The following IL34 variants were observed in gnomAD, a reference collection of about 807,000 sequenced individuals.
The protein encoded by IL34 is interleukin 34.
Under a neutral mutation model 25.3 loss-of-function variants are expected in IL34, and 17 were observed. The ratio of observed to expected loss-of-function variants is 0.67; its 90% CI spans 0.46 to 1.01. The LOEUF is 1.01. Ranked by LOEUF, IL34 falls within the 50% of genes least tolerant of loss-of-function variation. The pLI is 0.00. For missense variants in IL34, 368 were observed against 312.9 expected (o/e 1.18, Z -1.33); for synonymous variants, 174 against 140.9 (o/e 1.23, Z -1.66).
At chr16:70,641,813 C>A (rs1476521087), upstream of IL34, among the ~76,000 whole-genome samples, 1 of 151,916 alleles carries the variant, frequency 6.6e-6, no homozygotes, top group Non-Finnish European at 1.5e-5. Context: ...GCAATCCACC[C>A]CCCCGCAACC....
intron 1 of IL34, among the ~76,000 whole-genome samples, chr16:70,614,534 TGTG>T (rs2051145603): frequency 6.6e-6 from 1 of 152,232 alleles, no homozygotes; most frequent in Admixed American, 6.5e-5. Context: ...GAGGTTTAGC[TGTG>T]GTGCAGCTGC....
At chr16:70,633,243 G>A (rs1161234480) in intron 1 of IL34, among the ~76,000 whole-genome samples, 1 of 151,518 alleles carries the variant, frequency 6.6e-6, no homozygotes, top group Non-Finnish European at 1.5e-5. Flanking sequence ...GGGATTACAA[G>A]TGCCCAGACT....
At chr16:70,624,754 G>A (rs866955482) in intron 1 of IL34, among the ~76,000 whole-genome samples, 18 of 152,026 alleles carry the variant, frequency 1.2e-4, no homozygotes, top group Middle Eastern at 3.2e-3. Context: ...CAGGGTGTGA[G>A]GAGGGGAGGT....
At chr16:70,619,702 C>T (rs1035722781) in intron 1 of IL34, among the ~76,000 whole-genome samples, 2 of 152,144 alleles carry the variant, frequency 1.3e-5, no homozygotes, top group East Asian at 1.9e-4. Context: ...ACAGGGCTTT[C>T]GAGGCGATCG....
At chr16:70,649,661 C>T (rs893474068) in intron 1 of IL34, among the ~76,000 whole-genome samples, 7 of 152,080 alleles carry the variant, frequency 4.6e-5, no homozygotes, top group African/African-American at 9.7e-5. Flanking sequence ...ATTTGGTCCC[C>T]GGGGCTGGGG....
chr16:70,654,642 C>A lies in IL34; in HGVS notation c.133C>A (p.Leu45Met), dbSNP rs1309732887. 8.7e-6 allele frequency: 14 copies of A among 1,612,752 alleles called. No homozygotes were observed. Among genetic ancestry groups the A allele is most frequent in the Non-Finnish European group, 1.2e-5 (14 of 1,179,118 alleles). ...TGTCACGGGTTTTCTGCGGGACAAG[C>A]TGCAGTACAGGAGCCGACTTCAGTA... ...CTVTGFLRDK[L>M]QYRSRLQYMK... is the part of the protein sequence containing the mutation. Residue 45 changes from leucine (L) to methionine (M), a missense_variant, in exon 2 of 6, where the codon CTG (leucine) becomes ATG (methionine). Transcript: ENST00000288098.
chr16:70,641,903 CATT>C (rs933139849), upstream of IL34, among the ~76,000 whole-genome samples: 5 of 152,074 alleles, frequency 3.3e-5, no homozygotes, highest in African/African-American at 1.2e-4. Flanking sequence ...TAAAAATCCT[CATT>C]AGTTATTTTG....
At chr16:70,639,802 A>C (rs937930302) in intron 1 of IL34, among the ~76,000 whole-genome samples, 3 of 152,220 alleles carry the variant, frequency 2.0e-5, no homozygotes, top group Admixed American at 2.0e-4. Flanking sequence ...AAAACTAAAA[A>C]TAAAAATTAG....
intron 1 of IL34, among the ~76,000 whole-genome samples, chr16:70,623,315 T>C (rs545367196): frequency 6.6e-6 from 1 of 151,974 alleles, no homozygotes; most frequent in East Asian, 1.9e-4. Flanking sequence ...GAGGGAGGTA[T>C]GGAGGATAGG....
intron 1 of IL34, among the ~76,000 whole-genome samples, chr16:70,628,487 T>G (rs1403689839): frequency 6.6e-6 from 1 of 151,410 alleles, no homozygotes. Context: ...ATTTATTTAT[T>G]TATTTATTTT....
At chr16:70,608,287 C>T (rs1323395804) in intron 1 of IL34, among the ~76,000 whole-genome samples, 1 of 151,852 alleles carries the variant, frequency 6.6e-6, no homozygotes, top group Non-Finnish European at 1.5e-5. Flanking sequence ...CACCACCATG[C>T]CCAGCTAATT....
upstream of IL34, among the ~76,000 whole-genome samples, chr16:70,644,891 AGAG>A (rs2051877734): frequency 8.0e-6 from 1 of 124,704 alleles, no homozygotes; most frequent in African/African-American, 3.2e-5. Context: ...AGGAGGTGGA[AGAG>A]GAAGGAGGAA....
chr16:70,655,761 T>G (rs1169835855), intron 2 of IL34, among the ~76,000 whole-genome samples: 2 of 151,960 alleles, frequency 1.3e-5, no homozygotes, highest in Non-Finnish European at 2.9e-5. Flanking sequence ...CAGGCTGAAG[T>G]GTAGTGGCGG....
chr16:70,623,431 A>G (rs2051321933), intron 1 of IL34, among the ~76,000 whole-genome samples: 1 of 151,942 alleles, frequency 6.6e-6, no homozygotes, highest in Non-Finnish European at 1.5e-5. Flanking sequence ...TAGGACAGGC[A>G]AAATGGGGGA....
chr16:70,651,398 A>G (rs567654655), intron 1 of IL34, among the ~76,000 whole-genome samples: 10 of 152,230 alleles, frequency 6.6e-5, no homozygotes, highest in Admixed American at 6.5e-5. Flanking sequence ...TTCTCACCCA[A>G]TACTGTATCA....
At chr16:70,610,604 C>T (rs944715224) in intron 1 of IL34, among the ~76,000 whole-genome samples, 2 of 152,168 alleles carry the variant, frequency 1.3e-5, no homozygotes, top group East Asian at 1.9e-4. Context: ...AGGATAATGT[C>T]GAGTGGCCAG....
intron 1 of IL34, among the ~76,000 whole-genome samples, chr16:70,623,712 C>G (rs909252698): frequency 1.3e-5 from 2 of 151,674 alleles, no homozygotes; most frequent in African/African-American, 4.9e-5. Flanking sequence ...TGAGATGTAG[C>G]TGTAGTCCAG....
chr16:70,583,357 C>A (rs769339287), intron 1 of IL34, among the ~76,000 whole-genome samples: 2 of 152,036 alleles, frequency 1.3e-5, no homozygotes, highest in Non-Finnish European at 2.9e-5. Context: ...CTGCCTCAGC[C>A]TTCCAAAGTG....
rs1458743507 is a variant in IL34, at chr16:70,659,605, T to A, written c.403-13T>A. Reference sequence around the variant, plus strand: ...CATCTCGCCACCGCTCCTGACTGTTTCCTCCTTTCCAGGATGTGGAGGTCA... The same window carrying A: ...CATCTCGCCACCGCTCCTGACTGTTACCTCCTTTCCAGGATGTGGAGGTCA... On this transcript the variant is annotated splice_polypyrimidine_tract_variant and intron_variant, in intron 4 of 5. Coordinates refer to ENST00000288098, the MANE Select transcript of IL34 (RefSeq NM_001393494.1). 1.2e-6 allele frequency: 2 copies of A among 1,600,114 alleles called. No homozygotes were observed. The highest frequency in any genetic ancestry group is 2.7e-5 in the African/African-American group (2 of 74,662).
Sources: gnomAD v4.1 joint callset for allele counts (sites outside exome capture counted in the v4.1 genomes callset) on GRCh38, gnomAD v4.1.1 for gene constraint, MANE v1.5 for transcripts, NCBI Gene and HGNC (gene_info 2026-07-23, HGNC 2026-07-21) for gene names.